GRAMD1B: variants seen among roughly 807,000 people sequenced by gnomAD.
GRAMD1B encodes GRAM domain containing 1B, also known as protein Aster-B.
Under a neutral mutation model 99.7 loss-of-function variants are expected in GRAMD1B, and 37 were observed. The observed-to-expected ratio is 0.37, with a 90% confidence interval of 0.29 to 0.49. GRAMD1B has a LOEUF of 0.49. Ranked by LOEUF, GRAMD1B falls within the 20% of genes least tolerant of loss-of-function variation. The pLI, the probability that GRAMD1B is intolerant of heterozygous loss-of-function variation, is 0.98. For missense variants in GRAMD1B, 888 were observed against 1,009.2 expected (o/e 0.88, Z 1.63); for synonymous variants, 427 against 387.6 (o/e 1.10, Z -1.19).
intron 19 of GRAMD1B, among the ~76,000 whole-genome samples, chr11:123,621,855 G>GTCTT (rs138445124): frequency 0.38 from 52,519 of 138,744 alleles, 9,557 homozygotes; most frequent in East Asian, 0.71. Flanking sequence ...ATGCTAGATT[G>GTCTT]TCTTTCTTTC....
intron 10 of GRAMD1B, among the ~76,000 whole-genome samples, chr11:123,606,111 C>A (rs1366628113): frequency 6.6e-6 from 1 of 152,232 alleles, no homozygotes; most frequent in East Asian, 1.9e-4. Context: ...ATCAGACCAC[C>A]TGCCTTCAGA....
Position 123,592,222 on chromosome 11 carries a change from A to C in GRAMD1B, c.685-1860A>C, listed in dbSNP as rs569504040. Reference sequence around the variant, plus strand: ...GGAAGGCTAGCAGGGGCCGCAAAGCAGGTAAATATCTCATTCTCAAGGGAG... The same window carrying C: ...GGAAGGCTAGCAGGGGCCGCAAAGCCGGTAAATATCTCATTCTCAAGGGAG... On this transcript the variant is annotated intron_variant, in intron 4 of 19. Coordinates refer to ENST00000635736, the MANE Select transcript of GRAMD1B (RefSeq NM_001387025.1). Among the ~76,000 whole-genome samples, 77 of 152,266 alleles carry C rather than the reference A, an allele frequency of 5.1e-4. No individual in the cohort carries two copies. The South Asian group carries it at 0.012, about 24-fold the overall frequency.
intron 2 of GRAMD1B, among the ~76,000 whole-genome samples, chr11:123,576,399 A>G (rs978452715): frequency 3.3e-5 from 5 of 151,988 alleles, no homozygotes; most frequent in African/African-American, 1.2e-4. Context: ...GGCACTTTCT[A>G]CTTAGCCTCT....
chr11:123,434,127 G>T (rs765744189), intron 1 of GRAMD1B, among the ~76,000 whole-genome samples: 1 of 151,384 alleles, frequency 6.6e-6, no homozygotes, highest in Non-Finnish European at 1.5e-5. Flanking sequence ...CTACTCGGGA[G>T]GCTGAGGCAG....
At chr11:123,613,757 G>A in intron 16 of GRAMD1B, 99 bp downstream of exon 16, 1 of 778,796 alleles carries the variant, frequency 1.3e-6, no homozygotes, top group East Asian at 2.7e-5. Context: ...TTGCACCTTG[G>A]CTATAATTTG....
chr11:123,386,176 T>G (rs1286838200), intron 1 of GRAMD1B, among the ~76,000 whole-genome samples: 1 of 152,184 alleles, frequency 6.6e-6, no homozygotes, highest in East Asian at 1.9e-4. Flanking sequence ...TATAGGGCTG[T>G]TATGAAGATT....
intron 1 of GRAMD1B, among the ~76,000 whole-genome samples, chr11:123,433,782 A>G (rs1949024387): frequency 6.6e-6 from 1 of 152,010 alleles, no homozygotes; most frequent in Admixed American, 6.6e-5. Flanking sequence ...ATTTGGTTAG[A>G]TTTAGGAAGG....
intron 1 of GRAMD1B, among the ~76,000 whole-genome samples, chr11:123,448,285 C>T (rs1325833364): frequency 6.6e-6 from 1 of 152,016 alleles, no homozygotes; most frequent in Non-Finnish European, 1.5e-5. Flanking sequence ...GGCAGTCTTG[C>T]TCTGTTGCCC....
chr11:123,541,417 C>G lies in GRAMD1B; in HGVS notation c.453-35950C>G, dbSNP rs182276272. ...GCCTCGGTATTTCCATTCTTTTTAG[C>G]CTTTGCCAATCTGATATTTCAAAAA... On this transcript the variant is annotated intron_variant, in intron 2 of 19. Coordinates refer to ENST00000635736, the MANE Select transcript of GRAMD1B (RefSeq NM_001387025.1). Among the ~76,000 whole-genome samples, 112 of 152,242 alleles carry G rather than the reference C, an allele frequency of 7.4e-4. 1 individual carries two copies. The highest frequency in any genetic ancestry group is 2.7e-3 in the African/African-American group (111 of 41,542).
intron 1 of GRAMD1B, among the ~76,000 whole-genome samples, chr11:123,393,599 T>C (rs546691116): frequency 2.4e-4 from 37 of 152,336 alleles, no homozygotes; most frequent in Admixed American, 1.7e-3. Context: ...CTTGGGCTGT[T>C]TGAGAACCCT....
chr11:123,409,910 G>A (rs777180909), intron 1 of GRAMD1B, among the ~76,000 whole-genome samples: 4 of 152,198 alleles, frequency 2.6e-5, no homozygotes, highest in African/African-American at 9.6e-5. Context: ...CTTTCCTTTA[G>A]TGGCGAACAA....
Position 123,442,512 on chromosome 11 carries a change from A to G in GRAMD1B, c.374+11346A>G, listed in dbSNP as rs557643538. ...AGGCTGGGCGCGGTGGCTCATGCCT[A>G]TAATCCCAGCACTTTGGGAGGCCAA... On this transcript the variant is annotated intron_variant, in intron 1 of 19. Coordinates refer to ENST00000635736, the MANE Select transcript of GRAMD1B (RefSeq NM_001387025.1). Among the ~76,000 whole-genome samples, 64 of 152,258 alleles carry G rather than the reference A, an allele frequency of 4.2e-4. 1 individual carries two copies. In the South Asian group the frequency reaches 0.013, roughly 32 times the overall value.
chr11:123,490,439 G>C (rs1938422283), intron 2 of GRAMD1B, among the ~76,000 whole-genome samples: 1 of 152,194 alleles, frequency 6.6e-6, no homozygotes, highest in African/African-American at 2.4e-5. Flanking sequence ...AGATCTTTGA[G>C]ACGGGAGATG....
At chr11:123,385,323 C>T (rs1389541778) in intron 1 of GRAMD1B, among the ~76,000 whole-genome samples, 3 of 152,210 alleles carry the variant, frequency 2.0e-5, no homozygotes, top group African/African-American at 7.2e-5. Flanking sequence ...ACTGCCTCCC[C>T]TCCTAATCAA....
At chr11:123,497,930 T>C (rs1233344950) in intron 2 of GRAMD1B, among the ~76,000 whole-genome samples, 1 of 146,876 alleles carries the variant, frequency 6.8e-6, no homozygotes, top group Non-Finnish European at 1.5e-5. Context: ...AATGGTAAGC[T>C]AAGCTGGCAT....
At chr11:123,533,095 G>A (rs1038578588) in intron 2 of GRAMD1B, among the ~76,000 whole-genome samples, 6 of 152,056 alleles carry the variant, frequency 3.9e-5, no homozygotes, top group Non-Finnish European at 5.9e-5. Flanking sequence ...TCAGCCTCCC[G>A]AGTAGCTGGG....
intron 19 of GRAMD1B, among the ~76,000 whole-genome samples, chr11:123,621,971 CCTCT>C (rs1314340781): frequency 7.2e-6 from 1 of 139,652 alleles, no homozygotes; most frequent in East Asian, 2.1e-4. Context: ...TTCTTTCTTT[CCTCT>C]CTCTTTTTTT....
chr11:123,369,162 A>G lies in GRAMD1B; in HGVS notation c.-176+10363A>G, dbSNP rs570591453. Among the ~76,000 whole-genome samples the G allele has an allele frequency of 2.0e-5, 3 of 152,222 alleles. No homozygotes were observed. The East Asian group carries it at 5.8e-4, about 29-fold the overall frequency. ...TAGAAATGCAAAAAGTTAGCCAGGCATGGTGGCATGCACCTGCAGTCTCAG... is the reference window on the plus strand; with the variant it reads ...TAGAAATGCAAAAAGTTAGCCAGGCGTGGTGGCATGCACCTGCAGTCTCAG... On this transcript the variant is annotated intron_variant, in intron 1 of 20. Transcript: ENST00000638157.
intron 2 of GRAMD1B, among the ~76,000 whole-genome samples, chr11:123,561,729 C>T (rs1946789695): frequency 6.6e-6 from 1 of 152,244 alleles, no homozygotes; most frequent in African/African-American, 2.4e-5. Context: ...TACCTCCTGC[C>T]TCTCCTCCCT....
Sources: gnomAD v4.1 joint callset for allele counts (sites outside exome capture counted in the v4.1 genomes callset) on GRCh38, gnomAD v4.1.1 for gene constraint, MANE v1.5 for transcripts, NCBI Gene and HGNC (gene_info 2026-07-23, HGNC 2026-07-21) for gene names.